The following PLSCR1 variants were observed in gnomAD, a reference collection of about 807,000 sequenced individuals.
PLSCR1 encodes the protein PL scramblase 1.
A neutral mutation model predicts 37.8 loss-of-function variants in PLSCR1; 17 were observed. The observed-to-expected ratio is 0.45, with a 90% CI of 0.31 to 0.68. PLSCR1 has a LOEUF of 0.68. PLSCR1 is among the 30% of genes least tolerant of loss of function. The pLI, the probability that PLSCR1 is intolerant of heterozygous loss-of-function variation, is 0.06. For synonymous variants in PLSCR1, 116 were observed against 125.9 expected, an observed-to-expected ratio of 0.92 and a Z score of 0.53; for missense variants, 347 against 380.9, an observed-to-expected ratio of 0.91 and a Z score of 0.74.
rs749682134 is a variant in PLSCR1, at chr3:146,525,632, T to A, written c.328A>T (p.Ile110Phe). 7.9e-6 allele frequency: 12 copies of A among 1,512,856 alleles called. No individual in the cohort carries two copies. The African/African-American group carries it at 1.6e-4, about 21-fold the overall frequency. The allele number at this position is 1,512,856 out of a possible 1,614,324, so 93.7% of individuals were successfully genotyped here. A position where few individuals can be genotyped will look rare whatever the true frequency, so the allele number is the denominator to read the frequency against. ...TCCAGAAGTTCAATTTGCTGATGAA[T>A]CAGTATCTGATCTATCTATAGCAGG... ...EYLSQIDQIL[I>F]HQQIELLEVL... Residue 110 changes from isoleucine to phenylalanine, a missense_variant, in exon 5 of 9, where the codon ATT becomes TTT. Transcript: ENST00000342435.
In PLSCR1 at chr3:146,539,244, T is replaced by C. The variant is rs557949819; in HGVS notation, c.-13-2679A>G. Among the ~76,000 whole-genome samples the C allele has an allele frequency of 3.3e-5, 5 of 152,286 alleles. No individual in the cohort carries two copies. In the East Asian group the frequency reaches 9.6e-4, roughly 29 times the overall value. The stretch of plus-strand genomic sequence containing the variant: ...GTGCGCAACCTAGATCCCTCACACA[T>C]GCAGTTCACAATAGGGTTCTTGCTC... On this transcript the variant is annotated intron_variant, in intron 1 of 8. Transcript: ENST00000342435.
intron 5 of PLSCR1, among the ~76,000 whole-genome samples, chr3:146,523,709 T>TTA (rs2044065703): frequency 6.6e-6 from 1 of 152,208 alleles, no homozygotes; most frequent in Admixed American, 6.5e-5. Context: ...AAGTGAACTC[T>TTA]GCACCTTTGC....
At chr3:146,521,501 A>C (rs1184318867) in intron 7 of PLSCR1, 43 bp downstream of exon 7, 1 of 1,542,522 alleles carries the variant, frequency 6.5e-7, no homozygotes, top group East Asian at 2.3e-5. Flanking sequence ...CATTCTTCTT[A>C]TATTAGGAAA....
chr3:146,528,493 G>GT (rs1560085457), intron 4 of PLSCR1, 121 bp downstream of exon 4: 1 of 773,370 alleles, frequency 1.3e-6, no homozygotes, highest in Non-Finnish European at 2.2e-6. Flanking sequence ...AGAGTAATCT[G>GT]TTAGCAGAAA....
At position 146,528,580 on chromosome 3, in the gene PLSCR1, G is replaced by A; in HGVS notation, c.312+34C>T. ...TTAAGCAAGCTGGAAGCACAGTTCT[G>A]TTTTTTATGAGTATTTTGTGTCTTT... On this transcript the variant is annotated intron_variant, in intron 4 of 8. Coordinates refer to ENST00000342435, the MANE Select transcript of PLSCR1 (RefSeq NM_021105.3). The A allele has an allele frequency of 1.9e-6, 3 of 1,539,608 alleles. No homozygotes were observed. In the South Asian group the frequency reaches 3.3e-5, roughly 17 times the overall value.
In PLSCR1 at chr3:146,521,589, A is replaced by G. The variant is rs1241596277; in HGVS notation, c.693T>C (p.Ser231=). The G allele has an allele frequency of 1.2e-6, 2 of 1,613,964 alleles. No individual in the cohort carries two copies. Among genetic ancestry groups the G allele is most frequent in the East Asian group, 2.2e-5 (1 of 44,872 alleles). Residue 231 remains serine (S), a synonymous_variant, in exon 7 of 9, where the codon AGT becomes AGC. Transcript: ENST00000342435. ...NEKREDVLKI[S]GPCVVCSCCG... ...AACAGCTGCACACAACACATGGACC[A>G]CTTATTTTTAGTACATCCTCTCTTT... is the stretch of plus-strand genomic sequence containing the variant.
At chr3:146,529,388 G>A (rs902819413) in intron 3 of PLSCR1, among the ~76,000 whole-genome samples, 1 of 152,140 alleles carries the variant, frequency 6.6e-6, no homozygotes, top group African/African-American at 2.4e-5. Flanking sequence ...CATCTGGTGG[G>A]TAGAGGCCAG....
chr3:146,520,409 G>A (rs556392482), intron 7 of PLSCR1, among the ~76,000 whole-genome samples: 3 of 152,154 alleles, frequency 2.0e-5, no homozygotes, highest in South Asian at 4.1e-4. Flanking sequence ...CTGGATGTAG[G>A]ACAGAGATTC....
At chr3:146,540,273 T>C (rs1455881155) in intron 1 of PLSCR1, among the ~76,000 whole-genome samples, 1 of 152,212 alleles carries the variant, frequency 6.6e-6, no homozygotes, top group Non-Finnish European at 1.5e-5. Context: ...ACTAAGACTT[T>C]GGAGGAAACT....
intron 3 of PLSCR1, among the ~76,000 whole-genome samples, chr3:146,529,554 C>G (rs544496599): frequency 6.6e-6 from 1 of 151,670 alleles, no homozygotes; most frequent in East Asian, 1.9e-4. Flanking sequence ...GCTCTGTCGC[C>G]CAGGCTGGAG....
chr3:146,516,513 G>A, intron 8 of PLSCR1: 1 of 170,294 alleles, frequency 5.9e-6, no homozygotes, highest in Non-Finnish European at 1.2e-5. Context: ...GTTCTAATGT[G>A]AAGGCAATTT....
intron 7 of PLSCR1, among the ~76,000 whole-genome samples, chr3:146,517,594 A>T (rs2043964535): frequency 1.3e-5 from 2 of 152,300 alleles, no homozygotes; most frequent in Admixed American, 1.3e-4. Context: ...AATATGATGA[A>T]AAGGCTTATT....
At chr3:146,542,172 G>A (rs2044345768) in intron 1 of PLSCR1, among the ~76,000 whole-genome samples, 1 of 152,142 alleles carries the variant, frequency 6.6e-6, no homozygotes, top group Admixed American at 6.5e-5. Context: ...CACAGTCTAG[G>A]TCTAGTAGGC....
rs553405719 is a variant in PLSCR1 at position 146,533,665 on chromosome 3, T to C, written c.14-115A>G. 1.4e-4 allele frequency: 73 copies of C among 519,682 alleles called. 4 individuals are homozygous for C. In the South Asian group the frequency reaches 3.0e-3, roughly 21 times the overall value. The allele number at this position is 519,682 out of a possible 1,614,324, so 32.2% of individuals were successfully genotyped here. On this transcript the variant is annotated intron_variant, in intron 2 of 8. Coordinates refer to ENST00000342435, the MANE Select transcript of PLSCR1 (RefSeq NM_021105.3). Reference sequence around the variant, plus strand: ...TGTATGTTCTTATGCTGTATTGAAATAGGGAAAGTAAAATTTTCACTTAAC... The same window carrying C: ...TGTATGTTCTTATGCTGTATTGAAACAGGGAAAGTAAAATTTTCACTTAAC...
chr3:146,518,459 G>C (rs2043975560), intron 7 of PLSCR1, among the ~76,000 whole-genome samples: 1 of 152,140 alleles, frequency 6.6e-6, no homozygotes, highest in Non-Finnish European at 1.5e-5. Flanking sequence ...TATGTGTAAT[G>C]AAATACTACT....
At chr3:146,541,115 G>C (rs1196550928) in intron 1 of PLSCR1, 1 of 152,120 alleles carries the variant, frequency 6.6e-6, no homozygotes. Context: ...GACTGTGGCT[G>C]ATTATAAATG....
At chr3:146,522,294 A>T (rs2044034611) in intron 5 of PLSCR1, among the ~76,000 whole-genome samples, 1 of 152,112 alleles carries the variant, frequency 6.6e-6, no homozygotes, top group Admixed American at 6.6e-5. Flanking sequence ...GATTGTTACC[A>T]TGTCTGTGTA....
chr3:146,518,616 T>C (rs1454613167), intron 7 of PLSCR1, among the ~76,000 whole-genome samples: 1 of 152,236 alleles, frequency 6.6e-6, no homozygotes, highest in African/African-American at 2.4e-5. Context: ...AAAATGCAGC[T>C]GACAACTTAC....
At chr3:146,531,786 G>A (rs2044202404) in intron 3 of PLSCR1, among the ~76,000 whole-genome samples, 1 of 152,078 alleles carries the variant, frequency 6.6e-6, no homozygotes, top group African/African-American at 2.4e-5. Flanking sequence ...GAGGCTTTGA[G>A]GTACTGCAAC....
Sources: gnomAD v4.1 joint callset for allele counts (sites outside exome capture counted in the v4.1 genomes callset) on GRCh38, gnomAD v4.1.1 for gene constraint, MANE v1.5 for transcripts, NCBI Gene and HGNC (gene_info 2026-07-23, HGNC 2026-07-21) for gene names.